Variants in ZCCHC14 observed in about 807,000 individuals in gnomAD.
The protein encoded by ZCCHC14 is zinc finger CCHC-type containing 14, also known as zinc finger CCHC domain-containing protein 14.
ZCCHC14 carries 16 observed loss-of-function variants against 85.0 expected under a neutral mutation model. The observed-to-expected ratio is 0.19, with a 90% CI of 0.13 to 0.29. The LOEUF (loss-of-function observed/expected upper bound fraction) is 0.29, where lower values mean the gene tolerates loss of function less well. ZCCHC14 is among the 10% of genes least tolerant of loss of function. The pLI, the probability that ZCCHC14 is intolerant of heterozygous loss-of-function variation, is 1.00. For synonymous variants in ZCCHC14, 775 were observed against 630.7 expected (o/e 1.23, Z -3.43); for missense variants, 1,303 against 1,443.5 (o/e 0.90, Z 1.58).
intron 3 of ZCCHC14, among the ~76,000 whole-genome samples, chr16:87,429,470 C>A (rs1036559831): frequency 6.6e-6 from 1 of 152,276 alleles, no homozygotes; most frequent in Non-Finnish European, 1.5e-5. Context: ...TGCCACTACA[C>A]CTGGCAGAAC....
chr16:87,414,171 G>A (rs3815943), intron 10 of ZCCHC14, among the ~76,000 whole-genome samples: 53 of 148,470 alleles, frequency 3.6e-4, no homozygotes, highest in Admixed American at 8.8e-4. Flanking sequence ...CCCTCTCTGT[G>A]TACGAGTAAC....
At chr16:87,484,374 T>C (rs2150778007) in intron 1 of ZCCHC14, among the ~76,000 whole-genome samples, 1 of 152,334 alleles carries the variant, frequency 6.6e-6, no homozygotes, top group Middle Eastern at 3.4e-3. Context: ...AAGAGATTGC[T>C]GAATACTCTT....
In ZCCHC14 at chr16:87,484,197, A is replaced by T. The variant is rs577236381; in HGVS notation, c.570+7472T>A. ...GAAACATGTTTTTTACACGTGAAAT[A>T]AAAGTTATCAACACCCAGGGAAAGG... On this transcript the variant is annotated intron_variant, in intron 1 of 12. Transcript: ENST00000671377. Among the ~76,000 whole-genome samples the T allele has an allele frequency of 2.6e-5, 4 of 152,352 alleles. No individual in the cohort carries two copies. In the South Asian group the frequency reaches 6.2e-4, roughly 24 times the overall value.
chr16:87,412,706 G>C lies in ZCCHC14; in HGVS notation c.2015C>G (p.Ser672Cys). 14 of 1,614,230 alleles carry C rather than the reference G, an allele frequency of 8.7e-6. No homozygotes were observed. Among genetic ancestry groups the C allele is most frequent in the Non-Finnish European group, 1.2e-5 (14 of 1,180,044 alleles). Residue 672 changes from serine to cysteine, a missense_variant, in exon 12 of 13, where the codon TCT becomes TGT. Transcript: ENST00000671377. ...LLSSSVHSLL[S>C]LEERNKGSGP... ...AGATCCTTTATTCCTTTCTTCTAGA[G>C]ACAAAAGTGAGTGCACAGAAGACGA... is the stretch of plus-strand genomic sequence containing the variant.
intron 1 of ZCCHC14, among the ~76,000 whole-genome samples, chr16:87,462,005 T>A (rs900500312): frequency 6.6e-6 from 1 of 151,944 alleles, no homozygotes; most frequent in African/African-American, 2.4e-5. Context: ...CAGCAGCTCA[T>A]GGCTATAATC....
At chr16:87,435,517 C>A (rs541168977) in intron 2 of ZCCHC14, among the ~76,000 whole-genome samples, 5 of 152,232 alleles carry the variant, frequency 3.3e-5, no homozygotes, top group East Asian at 1.9e-4. Context: ...CTGGAGCCAA[C>A]GACACTGACT....
At chr16:87,468,891 C>T (rs1276118671) in intron 1 of ZCCHC14, among the ~76,000 whole-genome samples, 2 of 152,158 alleles carry the variant, frequency 1.3e-5, no homozygotes, top group Non-Finnish European at 2.9e-5. Context: ...GTTTATTTTC[C>T]CTAATATTGA....
chr16:87,462,998 T>C (rs893845235), intron 1 of ZCCHC14, among the ~76,000 whole-genome samples: 18 of 148,666 alleles, frequency 1.2e-4, no homozygotes, highest in African/African-American at 4.5e-4. Flanking sequence ...AACCCCGGAG[T>C]TGGAGGTTGT....
rs535122195 is a variant in ZCCHC14, at chr16:87,453,874, T to G, written c.694+6134A>C. 6.9e-4 allele frequency among the ~76,000 whole-genome samples: 105 copies of G among 152,274 alleles called. 1 individual carries two copies. The highest frequency in any genetic ancestry group is 3.1e-3 in the Admixed American group (47 of 15,288). Reference sequence around the variant, plus strand: ...ATGCTGGAACTGGCAGACCAGGATTTGAAAGCAGCTATTATAATGACATTC... The same window carrying G: ...ATGCTGGAACTGGCAGACCAGGATTGGAAAGCAGCTATTATAATGACATTC... On this transcript the variant is annotated intron_variant, in intron 2 of 12. Coordinates refer to ENST00000671377, the MANE Select transcript of ZCCHC14 (RefSeq NM_015144.3).
chr16:87,467,259 C>T, intron 1 of ZCCHC14: 4 of 1,576,510 alleles, frequency 2.5e-6, no homozygotes, highest in Non-Finnish European at 3.5e-6. Flanking sequence ...GACACTAAAC[C>T]CAAAATTAAG....
intron 2 of ZCCHC14, among the ~76,000 whole-genome samples, chr16:87,448,288 C>T (rs1215459118): frequency 3.3e-5 from 5 of 152,136 alleles, no homozygotes; most frequent in Non-Finnish European, 5.9e-5. Flanking sequence ...ATGGCAAGTC[C>T]AATGTTAGCC....
intron 2 of ZCCHC14, among the ~76,000 whole-genome samples, chr16:87,440,980 T>A (rs1385125502): frequency 6.6e-6 from 1 of 151,438 alleles, no homozygotes; most frequent in Admixed American, 6.6e-5. Context: ...TCTGCTATTA[T>A]ACATATGCGA....
intron 1 of ZCCHC14, chr16:87,471,195 G>A (rs1345865744): frequency 1.3e-5 from 2 of 152,192 alleles, no homozygotes; most frequent in East Asian, 3.9e-4. Flanking sequence ...AGTAACGTCT[G>A]TTAAATACTT....
intron 3 of ZCCHC14, among the ~76,000 whole-genome samples, chr16:87,429,299 T>C (rs1909529483): frequency 6.6e-6 from 1 of 152,220 alleles, no homozygotes; most frequent in African/African-American, 2.4e-5. Context: ...TGACTATCTT[T>C]TCACATGTGT....
chr16:87,463,558 T>A lies in ZCCHC14; in HGVS notation c.571-3427A>T, dbSNP rs181037861. 2.6e-5 allele frequency among the ~76,000 whole-genome samples: 4 copies of A among 151,942 alleles called. No individual in the cohort carries two copies. In the East Asian group the frequency reaches 7.8e-4, roughly 30 times the overall value. On this transcript the variant is annotated intron_variant, in intron 1 of 12. Transcript: ENST00000671377. Reference sequence around the variant, plus strand: ...TCTCAGCTGGGCACGGTGGCTCACGTCTGTAATCCCAGCACTCTGGGAGGC... The same window carrying A: ...TCTCAGCTGGGCACGGTGGCTCACGACTGTAATCCCAGCACTCTGGGAGGC...
intron 1 of ZCCHC14, among the ~76,000 whole-genome samples, chr16:87,461,779 A>G (rs1911271254): frequency 6.6e-6 from 1 of 152,232 alleles, no homozygotes; most frequent in Non-Finnish European, 1.5e-5. Context: ...ACAGACAGCA[A>G]GCCACAGGGG....
chr16:87,451,478 G>T (rs1910699091), intron 2 of ZCCHC14, among the ~76,000 whole-genome samples: 1 of 152,218 alleles, frequency 6.6e-6, no homozygotes, highest in Non-Finnish European at 1.5e-5. Flanking sequence ...GATTACAGGC[G>T]TGAGCCACCA....
chr16:87,420,017 C>T lies in ZCCHC14; in HGVS notation c.951-140G>A, dbSNP rs977786002. The T allele has an allele frequency of 3.3e-5, 21 of 628,106 alleles. No individual in the cohort carries two copies. The Admixed American group carries it at 5.0e-4, about 15-fold the overall frequency. 38.9% of individuals were successfully genotyped at this position (628,106 alleles called of 1,614,324 possible). ...GAAGTGCCAGAGCCTCATATTCTTC[C>T]TGCTTTAATTCAACTGAGTTCTTGC... On this transcript the variant is annotated intron_variant, in intron 5 of 12. Transcript: ENST00000671377. This position sits in a 1 kb window ranked among gnomAD's most constrained non-coding sequence, Gnocchi z 5.0.
At chr16:87,448,842 A>G (rs1015546009) in intron 2 of ZCCHC14, among the ~76,000 whole-genome samples, 4 of 152,198 alleles carry the variant, frequency 2.6e-5, no homozygotes, top group Non-Finnish European at 5.9e-5. Flanking sequence ...TCTCTGCCAC[A>G]GTTCTTTACC....
Sources: gnomAD v4.1 joint callset for allele counts (sites outside exome capture counted in the v4.1 genomes callset) on GRCh38, gnomAD v4.1.1 for gene constraint, Gnocchi (gnomAD v3.1) non-coding constraint, MANE v1.5 for transcripts, NCBI Gene and HGNC (gene_info 2026-07-23, HGNC 2026-07-21) for gene names.